TNRC6B: variants seen among roughly 807,000 people sequenced by gnomAD.
TNRC6B encodes trinucleotide repeat containing adaptor 6B, also known as trinucleotide repeat-containing gene 6B protein.
TNRC6B carries 52 observed loss-of-function variants against 203.6 expected under a neutral mutation model. That is an observed-to-expected ratio of 0.26 (90% CI 0.20 to 0.32). The LOEUF is 0.32. Ranked by LOEUF, TNRC6B falls within the 10% of genes least tolerant of loss-of-function variation. The pLI, the probability that TNRC6B is intolerant of heterozygous loss-of-function variation, is 1.00. For synonymous variants in TNRC6B, 838 were observed against 845.7 expected (o/e 0.99, Z 0.16); for missense variants, 1,923 against 2,286.2 (o/e 0.84, Z 3.24).
At chr22:40,304,210 T>C (rs1239104198) in intron 15 of TNRC6B, among the ~76,000 whole-genome samples, 1 of 152,234 alleles carries the variant, frequency 6.6e-6, no homozygotes, top group Non-Finnish European at 1.5e-5. Context: ...AAAGCCTCTT[T>C]GTTACATTAT....
At chr22:40,126,545 A>C (rs557465731) in intron 3 of TNRC6B, among the ~76,000 whole-genome samples, 1 of 146,390 alleles carries the variant, frequency 6.8e-6, no homozygotes, top group East Asian at 2.0e-4. Flanking sequence ...AATGGCCTTC[A>C]GCTGTATCCC....
At chr22:40,267,070 A>T in intron 5 of TNRC6B, 34 bp downstream of exon 5, 1 of 1,495,852 alleles carries the variant, frequency 6.7e-7, no homozygotes, top group Non-Finnish European at 8.9e-7. Context: ...GCTTTTGATG[A>T]AGAAAAGGAA....
chr22:40,166,653 C>T (rs1159161476), intron 4 of TNRC6B, among the ~76,000 whole-genome samples: 1 of 151,972 alleles, frequency 6.6e-6, no homozygotes, highest in Non-Finnish European at 1.5e-5. Context: ...TCCTAGCACT[C>T]TGGGAGACCA....
At position 40,198,508 on chromosome 22, in the gene TNRC6B, G is replaced by A. The variant is rs1601876899; in HGVS notation, c.5+20368G>A. Among the ~76,000 whole-genome samples the A allele has an allele frequency of 2.0e-5, 3 of 152,160 alleles. 1 individual carries two copies. The South Asian group carries it at 6.2e-4, about 32-fold the overall frequency. On this transcript the variant is annotated intron_variant, in intron 1 of 22. Coordinates refer to ENST00000454349, the MANE Select transcript of TNRC6B (RefSeq NM_001162501.2). ...ATGAGGAGGGAGGGTCTGGTGTGCT[G>A]TGTCAGAGCCCAGGAGAGGTGAGAA...
At chr22:40,224,599 A>G (rs2069758566) in intron 1 of TNRC6B, among the ~76,000 whole-genome samples, 1 of 152,146 alleles carries the variant, frequency 6.6e-6, no homozygotes, top group African/African-American at 2.4e-5. Flanking sequence ...TCATTTGTTT[A>G]TGGCTTCTGA....
intron 12 of TNRC6B, among the ~76,000 whole-genome samples, chr22:40,294,671 C>T (rs1224409820): frequency 6.6e-6 from 1 of 152,162 alleles, no homozygotes; most frequent in African/African-American, 2.4e-5. Context: ...GATAAGAATC[C>T]GGTTTGGAAC....
At chr22:40,114,807 T>C (rs1390918310) in intron 1 of TNRC6B, among the ~76,000 whole-genome samples, 1 of 152,194 alleles carries the variant, frequency 6.6e-6, no homozygotes, top group East Asian at 1.9e-4. Flanking sequence ...CCTGATCAGA[T>C]GGTAGGATTA....
intron 3 of TNRC6B, among the ~76,000 whole-genome samples, chr22:40,133,044 G>A (rs941216978): frequency 4.8e-5 from 7 of 144,374 alleles, no homozygotes; most frequent in Non-Finnish European, 9.0e-5. Context: ...CCTGATTCCC[G>A]TAGAGAGAAA....
intron 12 of TNRC6B, among the ~76,000 whole-genome samples, chr22:40,293,428 C>T (rs190289050): frequency 2.0e-5 from 3 of 151,930 alleles, no homozygotes; most frequent in African/African-American, 7.2e-5. Flanking sequence ...CCTGGCCTCA[C>T]GTGATCTGCC....
intron 1 of TNRC6B, among the ~76,000 whole-genome samples, chr22:40,100,062 TTTTTATTATTTATTTATTTA>T (rs748658542): frequency 1.1e-4 from 16 of 139,386 alleles, no homozygotes; most frequent in Non-Finnish European, 2.2e-4. Flanking sequence ...CTCCATTTTA[TTTTTATTATTTATTTATTTA>T]TTTATTTATT....
At chr22:40,140,830 G>A (rs2068637995) in intron 3 of TNRC6B, among the ~76,000 whole-genome samples, 4 of 151,916 alleles carry the variant, frequency 2.6e-5, no homozygotes, top group Admixed American at 2.6e-4. Context: ...TAGTAGAGAT[G>A]GGGTTTCACC....
chr22:40,112,151 G>A (rs942543677), intron 1 of TNRC6B, among the ~76,000 whole-genome samples: 1 of 152,112 alleles, frequency 6.6e-6, no homozygotes, highest in Non-Finnish European at 1.5e-5. Context: ...AAAGGGAGGT[G>A]TGGACTCCGG....
At chr22:40,085,761 A>G (rs1206113843) in intron 1 of TNRC6B, among the ~76,000 whole-genome samples, 1 of 152,212 alleles carries the variant, frequency 6.6e-6, no homozygotes, top group Non-Finnish European at 1.5e-5. Context: ...GAGCAATACT[A>G]AGATATGTTA....
chr22:40,195,308 T>A (rs17421586), intron 1 of TNRC6B, among the ~76,000 whole-genome samples: 44,543 of 152,156 alleles, frequency 0.29, 7,554 homozygotes, highest in South Asian at 0.45. Context: ...AGCAAATAGA[T>A]CATCTGGCAT....
At chr22:40,053,381 G>A (rs1051253704) in intron 1 of TNRC6B, among the ~76,000 whole-genome samples, 1 of 152,130 alleles carries the variant, frequency 6.6e-6, no homozygotes, top group Non-Finnish European at 1.5e-5. Context: ...TGAATTAGGA[G>A]TCAAAAGTCC....
intron 11 of TNRC6B, among the ~76,000 whole-genome samples, chr22:40,284,340 T>A (rs921406136): frequency 1.6e-4 from 25 of 152,228 alleles, no homozygotes; most frequent in Non-Finnish European, 1.9e-4. Context: ...CATCACAGTA[T>A]TTTTAGTGTT....
intron 5 of TNRC6B, among the ~76,000 whole-genome samples, chr22:40,268,232 C>G (rs2070508159): frequency 6.6e-6 from 1 of 152,054 alleles, no homozygotes; most frequent in African/African-American, 2.4e-5. Context: ...ATTACAGGCA[C>G]CCACTGCCAT....
intron 5 of TNRC6B, among the ~76,000 whole-genome samples, chr22:40,268,228 G>A (rs2070507980): frequency 6.6e-6 from 1 of 152,140 alleles, no homozygotes; most frequent in Non-Finnish European, 1.5e-5. Context: ...TGGGATTACA[G>A]GCACCCACTG....
At chr22:40,312,456 T>G in intron 17 of TNRC6B, 49 bp from the exon 18 acceptor site, 5 of 1,392,562 alleles carry the variant, frequency 3.6e-6, no homozygotes, top group Non-Finnish European at 4.9e-6. Context: ...TACTATATCA[T>G]TTTTTTTTAA....
Sources: gnomAD v4.1 joint callset for allele counts (sites outside exome capture counted in the v4.1 genomes callset) on GRCh38, gnomAD v4.1.1 for gene constraint, MANE v1.5 for transcripts, NCBI Gene and HGNC (gene_info 2026-07-23, HGNC 2026-07-21) for gene names.